Variants in DTNA observed in about 807,000 individuals in gnomAD.
The protein encoded by DTNA is dystrophin-related protein 3.
DTNA carries 43 observed loss-of-function variants against 100.7 expected under a neutral mutation model. The observed-to-expected ratio is 0.43, with a 90% CI of 0.33 to 0.55. The LOEUF (loss-of-function observed/expected upper bound fraction) is 0.55. Among genes scored for constraint, DTNA ranks in the 20% least tolerant of loss-of-function variants. DTNA has a pLI of 0.04. For missense variants in DTNA, 798 were observed against 953.9 expected (o/e 0.84, Z 2.15); for synonymous variants, 349 against 347.9 (o/e 1.00, Z -0.04).
At chr18:34,610,617 C>T (rs1255171123) in intron 1 of DTNA, among the ~76,000 whole-genome samples, 1 of 152,154 alleles carries the variant, frequency 6.6e-6, no homozygotes, top group East Asian at 1.9e-4. Context: ...AGTAACAGTG[C>T]ACACTTGAAA....
chr18:34,511,370 C>A (rs2041074487), intron 1 of DTNA, among the ~76,000 whole-genome samples: 1 of 152,010 alleles, frequency 6.6e-6, no homozygotes, highest in Admixed American at 6.6e-5. Context: ...GCTCTAATTT[C>A]TAGATGAGAA....
intron 4 of DTNA, among the ~76,000 whole-genome samples, chr18:34,800,458 A>G (rs2095164535): frequency 6.6e-6 from 1 of 152,220 alleles, no homozygotes; most frequent in Non-Finnish European, 1.5e-5. Context: ...AGTGATCCAT[A>G]TGAGCAAAAT....
chr18:34,879,592 G>A lies in DTNA; in HGVS notation c.2035G>A (p.Ala679Thr), dbSNP rs1384872434. The change falls in exon 20 of 23, where the codon GCA becomes ACA. Residue 679 changes from alanine to threonine, a missense_variant. Transcript: ENST00000444659. ...ETESNVDSEF[A>T]RTQFEDLVPS... ...AGAGAGTAATGTGGATTCTGAATTT[G>A]CACGGACTCAGTTTGAGGATCTTGT... The A allele has an allele frequency of 1.2e-6, 2 of 1,614,014 alleles. No homozygotes were observed. Among genetic ancestry groups the A allele is most frequent in the Non-Finnish European group, 1.7e-6 (2 of 1,179,974 alleles).
chr18:34,668,116 C>T (rs2076208090), intron 1 of DTNA, among the ~76,000 whole-genome samples: 1 of 152,140 alleles, frequency 6.6e-6, no homozygotes, highest in South Asian at 2.1e-4. Context: ...TGTTACTGGT[C>T]TATTCAGAGA....
intron 1 of DTNA, among the ~76,000 whole-genome samples, chr18:34,668,979 C>T (rs1054304448): frequency 6.6e-6 from 1 of 152,066 alleles, no homozygotes; most frequent in Non-Finnish European, 1.5e-5. Context: ...CCTGGATATC[C>T]TTGTTAACTT....
chr18:34,557,683 G>A (rs1343490495), intron 1 of DTNA, among the ~76,000 whole-genome samples: 6 of 151,602 alleles, frequency 4.0e-5, no homozygotes, highest in Non-Finnish European at 8.9e-5. Context: ...GGCTGCTCGG[G>A]GGTCAGGGGT....
At chr18:34,872,806 G>A (rs752872721) in intron 17 of DTNA, among the ~76,000 whole-genome samples, 2 of 152,198 alleles carry the variant, frequency 1.3e-5, no homozygotes, top group East Asian at 3.9e-4. Context: ...TCCCTCTTCA[G>A]GCTGCTGAAC....
At chr18:34,734,885 C>T (rs1028271050) in intron 1 of DTNA, among the ~76,000 whole-genome samples, 1 of 152,110 alleles carries the variant, frequency 6.6e-6, no homozygotes, top group Non-Finnish European at 1.5e-5. Context: ...GAAGTAGAGT[C>T]CTTAGCATTT....
chr18:34,543,553 T>C (rs1185036112), intron 1 of DTNA, among the ~76,000 whole-genome samples: 1 of 152,100 alleles, frequency 6.6e-6, no homozygotes, highest in Non-Finnish European at 1.5e-5. Flanking sequence ...TTAAACAGCA[T>C]GTCATCCAAA....
chr18:34,805,077 C>T (rs1454070537), intron 4 of DTNA, among the ~76,000 whole-genome samples: 1 of 152,124 alleles, frequency 6.6e-6, no homozygotes, highest in Non-Finnish European at 1.5e-5. Flanking sequence ...TTTTAAATAA[C>T]TCTTTTGACC....
intron 18 of DTNA, among the ~76,000 whole-genome samples, chr18:34,876,281 C>A (rs1384205399): frequency 6.6e-6 from 1 of 152,120 alleles, no homozygotes; most frequent in East Asian, 1.9e-4. Context: ...GAAGTCTTCA[C>A]ATAGAGATCT....
chr18:34,558,877 A>G (rs888921972), intron 1 of DTNA, among the ~76,000 whole-genome samples: 3 of 152,348 alleles, frequency 2.0e-5, no homozygotes, highest in Non-Finnish European at 4.4e-5. Context: ...AGCAATGCTA[A>G]GAGATGAGGC....
At chr18:34,531,999 T>C (rs1418538792) in intron 1 of DTNA, among the ~76,000 whole-genome samples, 1 of 152,144 alleles carries the variant, frequency 6.6e-6, no homozygotes, top group Non-Finnish European at 1.5e-5. Flanking sequence ...GAAAATGCTT[T>C]TTCAATCATT....
Position 34,639,101 on chromosome 18 carries a change from A to G in DTNA, c.-1-116875A>G, listed in dbSNP as rs1434128075. Among the ~76,000 whole-genome samples, 6 of 152,330 alleles carry G rather than the reference A, an allele frequency of 3.9e-5. No individual in the cohort carries two copies. The South Asian group carries it at 1.0e-3, about 26-fold the overall frequency. On this transcript the variant is annotated intron_variant, in intron 1 of 19. Coordinates refer to the DTNA transcript ENST00000283365. ...GGTGATCCACCTGCCTCGGCCTCCC[A>G]GAGTGTTGGGATTATAGGCGTGAGC...
At chr18:34,655,637 TA>T (rs2074267356) in intron 1 of DTNA, among the ~76,000 whole-genome samples, 1 of 152,242 alleles carries the variant, frequency 6.6e-6, no homozygotes, top group Non-Finnish European at 1.5e-5. Context: ...ATCCAAAGGG[TA>T]ACTTCTCATG....
chr18:34,811,352 C>T (rs564505211), intron 5 of DTNA, among the ~76,000 whole-genome samples: 26 of 152,264 alleles, frequency 1.7e-4, no homozygotes, highest in Non-Finnish European at 3.2e-4. Flanking sequence ...AGTCAGAAAA[C>T]CCTTCCCTGT....
intron 1 of DTNA, among the ~76,000 whole-genome samples, chr18:34,669,833 G>A (rs1231350088): frequency 6.6e-6 from 1 of 152,182 alleles, no homozygotes; most frequent in Non-Finnish European, 1.5e-5. Flanking sequence ...TGGGTAACCT[G>A]ACCTTTCTCT....
At chr18:34,737,550 A>G (rs1463112955) in intron 1 of DTNA, among the ~76,000 whole-genome samples, 9 of 152,162 alleles carry the variant, frequency 5.9e-5, no homozygotes, top group African/African-American at 1.9e-4. Context: ...GGATGCTTAG[A>G]GAAAGGGAGC....
intron 14 of DTNA, among the ~76,000 whole-genome samples, chr18:34,851,492 C>A (rs1603238339): frequency 6.6e-6 from 1 of 152,160 alleles, no homozygotes; most frequent in African/African-American, 2.4e-5. Context: ...TTTAAAGCCA[C>A]CTATAATGAA....
Sources: gnomAD v4.1 joint callset for allele counts (sites outside exome capture counted in the v4.1 genomes callset) on GRCh38, gnomAD v4.1.1 for gene constraint, MANE v1.5 for transcripts, NCBI Gene and HGNC (gene_info 2026-07-23, HGNC 2026-07-21) for gene names.